The following IPO8 variants were observed in gnomAD, a reference collection of about 807,000 sequenced individuals.
The protein encoded by IPO8 is importin 8.
Under a neutral mutation model 141.2 loss-of-function variants are expected in IPO8, and 65 were observed. The ratio of observed to expected loss-of-function variants is 0.46; its 90% CI spans 0.38 to 0.57. IPO8 has a LOEUF of 0.57. Ranked by LOEUF, IPO8 falls within the 20% of genes least tolerant of loss-of-function variation. The pLI is 0.00. For synonymous variants in IPO8, 411 were observed against 420.3 expected (o/e 0.98, Z 0.27); for missense variants, 980 against 1,246.8 (o/e 0.79, Z 3.22).
intron 2 of IPO8, among the ~76,000 whole-genome samples, chr12:30,685,796 G>A (rs932433524): frequency 6.6e-6 from 1 of 150,928 alleles, no homozygotes; most frequent in Non-Finnish European, 1.5e-5. Flanking sequence ...ATGGTGGCAG[G>A]TACCTGTAAT....
At chr12:30,670,923 C>T in intron 9 of IPO8, 39 bp downstream of exon 9, 1 of 1,568,888 alleles carries the variant, frequency 6.4e-7, no homozygotes. Flanking sequence ...CCTAATTTAA[C>T]CAGAGAATAA....
In IPO8 at chr12:30,695,537, G is replaced by C. The variant is rs768423720; in HGVS notation, c.84+27C>G. 6 of 1,602,640 alleles carry C rather than the reference G, an allele frequency of 3.7e-6. No individual in the cohort carries two copies. Among genetic ancestry groups the C allele is most frequent in the South Asian group, 3.3e-5 (3 of 90,850 alleles). On this transcript the variant is annotated intron_variant, in intron 1 of 24. Transcript: ENST00000256079. This position sits in a 1 kb window ranked among gnomAD's most constrained non-coding sequence, Gnocchi z 4.2. ...CGGCAGGGGCGCCCCTTCGGCGGAA[G>C]AGGGTCGCCGAAGACCCTCTCCTCA...
Position 30,684,527 on chromosome 12 carries a change from T to C in IPO8, c.167-70A>G, listed in dbSNP as rs1317487886. 9 of 1,483,070 alleles carry C rather than the reference T, an allele frequency of 6.1e-6. No individual in the cohort carries two copies. The East Asian group carries it at 1.8e-4, about 30-fold the overall frequency. 91.9% of individuals were successfully genotyped at this position (1,483,070 alleles called of 1,614,324 possible). A position where few individuals can be genotyped will look rare whatever the true frequency, so the allele number is the denominator to read the frequency against. ...GGCTTTAATTCAGCCTTACAGAGCA[T>C]GAAAGTCCAAACCCTTCAATGTTAA... is the stretch of plus-strand genomic sequence containing the variant. On this transcript the variant is annotated intron_variant, in intron 2 of 24. Coordinates refer to ENST00000256079, the MANE Select transcript of IPO8 (RefSeq NM_006390.4).
At chr12:30,651,800 C>T (rs1374761284) in intron 19 of IPO8, among the ~76,000 whole-genome samples, 1 of 151,950 alleles carries the variant, frequency 6.6e-6, no homozygotes, top group Non-Finnish European at 1.5e-5. Flanking sequence ...AAATTTTTAT[C>T]TTATGTTGTT....
chr12:30,633,164 A>T (rs7316477), intron 23 of IPO8, among the ~76,000 whole-genome samples: 1 of 152,006 alleles, frequency 6.6e-6, no homozygotes, highest in Non-Finnish European at 1.5e-5. Context: ...CAATAAGAAC[A>T]TCTAGGTAGT....
intron 2 of IPO8, among the ~76,000 whole-genome samples, chr12:30,688,981 G>A (rs919022451): frequency 2.6e-5 from 4 of 151,898 alleles, no homozygotes; most frequent in Admixed American, 1.3e-4. Context: ...ATATCAAATC[G>A]TTTAAGTAAA....
rs1433149475 is a variant in IPO8, at chr12:30,630,235, T to G, written c.*625A>C. 6.6e-6 allele frequency: 1 copy of G among 151,900 alleles called. No individual in the cohort carries two copies. The highest frequency in any genetic ancestry group is 1.5e-5 in the Non-Finnish European group (1 of 67,986). 9.4% of individuals were successfully genotyped at this position (151,900 alleles called of 1,614,324 possible). ...CACTTCTTTAAAAAGCCACAAAACATCTTATGAAAAACCACAGCCAGTGCA... is the reference window on the plus strand; with the variant it reads ...CACTTCTTTAAAAAGCCACAAAACAGCTTATGAAAAACCACAGCCAGTGCA... On this transcript the variant is annotated 3_prime_UTR_variant, in exon 25 of 25. Coordinates refer to ENST00000256079, the MANE Select transcript of IPO8 (RefSeq NM_006390.4).
chr12:30,681,900 T>A, intron 3 of IPO8, 83 bp from the exon 4 acceptor site: 1 of 1,172,292 alleles, frequency 8.5e-7, no homozygotes, highest in Non-Finnish European at 1.2e-6. Flanking sequence ...TACATAAAAG[T>A]TTGTTATCTT....
In IPO8 at chr12:30,641,451, G is replaced by A. The variant is rs776501145; in HGVS notation, c.2269-1716C>T. Among the ~76,000 whole-genome samples the A allele has an allele frequency of 1.3e-3, 189 of 148,886 alleles. 4 individuals are homozygous for A. The highest frequency in any genetic ancestry group is 3.6e-3 in the Middle Eastern group (1 of 280). ...CTTATAAATTAGACCTTAGAACTGT[G>A]TCTATGGTTCCCATATCCGTTACCA... is the stretch of plus-strand genomic sequence containing the variant. On this transcript the variant is annotated intron_variant, in intron 20 of 24. Transcript: ENST00000256079.
Position 30,661,157 on chromosome 12 carries a change from A to G in IPO8, c.1865T>C (p.Val622Ala). 2 of 1,562,536 alleles carry G rather than the reference A, an allele frequency of 1.3e-6. No individual in the cohort carries two copies. Among genetic ancestry groups the G allele is most frequent in the Non-Finnish European group, 1.7e-6 (2 of 1,154,786 alleles). Residue 622 changes from valine to alanine, a missense_variant, in exon 16 of 25, where the codon GTA becomes GCA. By Grantham distance (64) the Val-to-Ala change is moderately conservative. Around this residue, in one of 3 missense-constraint regions of IPO8, gnomAD observed 924 missense variants for 1,153.9 expected, o/e 0.80. Coordinates refer to ENST00000256079, the MANE Select transcript of IPO8 (RefSeq NM_006390.4). ...LHTIDTILTVVEDHKEITQQL... is the reference protein window; with the variant it reads ...LHTIDTILTVAEDHKEITQQL... ...AAATCTCACCTCTTTATGATCTTCT[A>G]CAACTGTTAAGATAGTATCAATGGT...
chr12:30,655,900 A>C (rs985957679), intron 17 of IPO8, among the ~76,000 whole-genome samples: 1 of 152,160 alleles, frequency 6.6e-6, no homozygotes, highest in African/African-American at 2.4e-5. Flanking sequence ...TCACACCCAC[A>C]TGACGTGGGG....
rs1037898606 is a variant in IPO8 at position 30,660,447 on chromosome 12, C to T, written c.1881+694G>A. Among the ~76,000 whole-genome samples the T allele has an allele frequency of 1.1e-4, 17 of 152,140 alleles. No homozygotes were observed. The South Asian group carries it at 2.1e-3, about 19-fold the overall frequency. On this transcript the variant is annotated intron_variant, in intron 16 of 24. Transcript: ENST00000256079. ...TTATCAAAATGATGTGACTACAAAC[C>T]CAAATGTACAACTTACTAGCTCTGG...
chr12:30,665,817 T>C lies in IPO8; in HGVS notation c.1250A>G (p.Tyr417Cys). ...AAAGTTCGGGTCTGTCAGGATTTGA[T>C]AACAGAATGCCATCATTTTTGGCAA... ...EVLPKMMAFC[Y>C]QILTDPNFDP... Residue 417 changes from tyrosine to cysteine, a missense_variant, in exon 12 of 25, where the codon TAT (tyrosine) becomes TGT (cysteine). By Grantham distance (194) the Tyr-to-Cys change is radical. Coordinates refer to ENST00000256079, the MANE Select transcript of IPO8 (RefSeq NM_006390.4). 6.2e-7 allele frequency: 1 copy of C among 1,613,504 alleles called. No homozygotes were observed. The highest frequency in any genetic ancestry group is 1.3e-5 in the African/African-American group (1 of 75,028).
At chr12:30,685,288 T>C (rs1442490569) in intron 2 of IPO8, among the ~76,000 whole-genome samples, 1 of 151,890 alleles carries the variant, frequency 6.6e-6, no homozygotes, top group African/African-American at 2.4e-5. Flanking sequence ...TACAGGCATG[T>C]GCCACCACAC....
intron 8 of IPO8, among the ~76,000 whole-genome samples, chr12:30,671,908 A>G (rs1262710627): frequency 6.6e-6 from 1 of 152,098 alleles, no homozygotes; most frequent in Admixed American, 6.5e-5. Flanking sequence ...CAGATGGGGA[A>G]CTATTTTAAC....
intron 2 of IPO8, among the ~76,000 whole-genome samples, chr12:30,689,387 A>G (rs2053270537): frequency 6.6e-6 from 1 of 152,174 alleles, no homozygotes; most frequent in Admixed American, 6.5e-5. Context: ...GAACAGCCCT[A>G]TTTTATAAAA....
chr12:30,669,191 A>C lies in IPO8; in HGVS notation c.1136T>G (p.Met379Arg). 1 of 1,504,096 alleles carries C rather than the reference A, an allele frequency of 6.6e-7. No homozygotes were observed. The highest frequency in any genetic ancestry group is 9.1e-7 in the Non-Finnish European group (1 of 1,099,668). The allele number at this position is 1,504,096 out of a possible 1,614,324, so 93.2% of individuals were successfully genotyped here. The change falls in exon 10 of 25, where the codon ATG becomes AGG. Residue 379 changes from methionine (M) to arginine (R), a missense_variant. Physicochemically the swap from Met to Arg is moderately conservative, Grantham distance 91. Coordinates refer to ENST00000256079, the MANE Select transcript of IPO8 (RefSeq NM_006390.4). The part of the protein sequence containing the change: ...WQEDPYEYIR[M>R]KFDIFEDYAS... ...AAAACCATCTCAATTACCAAATTTC[A>C]TCCTTATATACTCATATGGATCTTC...
intron 22 of IPO8, among the ~76,000 whole-genome samples, chr12:30,636,554 G>GA (rs1291150550): frequency 1.3e-5 from 2 of 151,424 alleles, no homozygotes; most frequent in East Asian, 1.9e-4. Flanking sequence ...TCCAGAAAAA[G>GA]AAAAAAAAGA....
intron 22 of IPO8, among the ~76,000 whole-genome samples, chr12:30,634,767 A>C (rs1308858614): frequency 6.6e-6 from 1 of 152,078 alleles, no homozygotes; most frequent in Non-Finnish European, 1.5e-5. Flanking sequence ...CCCAAATGAG[A>C]TCATTTCTGC....
Sources: gnomAD v4.1 joint callset for allele counts (sites outside exome capture counted in the v4.1 genomes callset) on GRCh38, gnomAD v4.1.1 for gene constraint, gnomAD v4.1.1 regional missense constraint, Gnocchi (gnomAD v3.1) non-coding constraint, MANE v1.5 for transcripts, NCBI Gene and HGNC (gene_info 2026-07-23, HGNC 2026-07-21) for gene names.